PHF11: variants seen among roughly 807,000 people sequenced by gnomAD.
PHF11 encodes BRCA1 C-terminus-associated protein.
Under a neutral mutation model 40.5 loss-of-function variants are expected in PHF11, and 38 were observed. That is an observed-to-expected ratio of 0.94 (90% CI 0.72 to 1.23). The LOEUF (loss-of-function observed/expected upper bound fraction) is 1.23, where lower values mean the gene tolerates loss of function less well. Ranked by LOEUF, PHF11 falls within the 50% of genes most tolerant of loss-of-function variation. The pLI, the probability that PHF11 is intolerant of heterozygous loss-of-function variation, is 0.00. For synonymous variants in PHF11, 127 were observed against 138.2 expected, an observed-to-expected ratio of 0.92 and a Z score of 0.57; for missense variants, 369 against 392.4, an observed-to-expected ratio of 0.94 and a Z score of 0.50.
At chr13:49,509,202 T>C (rs1959049812) in intron 2 of PHF11, among the ~76,000 whole-genome samples, 2 of 150,258 alleles carry the variant, frequency 1.3e-5, no homozygotes, top group Non-Finnish European at 2.9e-5. Context: ...CTATCCTGAA[T>C]ACTTTAGTAT....
intron 3 of PHF11, among the ~76,000 whole-genome samples, chr13:49,514,961 T>G (rs1959132883): frequency 6.6e-6 from 1 of 152,072 alleles, no homozygotes; most frequent in Non-Finnish European, 1.5e-5. Context: ...TCTTCACTAA[T>G]TGGATTTGAG....
chr13:49,522,762 T>G lies in PHF11; in HGVS notation c.571-413T>G, dbSNP rs1566196745. 1.9e-4 allele frequency among the ~76,000 whole-genome samples: 8 copies of G among 41,250 alleles called. No homozygotes were observed. In the East Asian group the frequency reaches 2.9e-3, roughly 15 times the overall value. The allele number at this position is 41,250 out of a possible 152,430, so 27.1% of individuals were successfully genotyped here. A position where few individuals can be genotyped will look rare whatever the true frequency, so the allele number is the denominator to read the frequency against. On this transcript the variant is annotated intron_variant, in intron 6 of 9. Transcript: ENST00000378319. The stretch of plus-strand genomic sequence containing the variant: ...TACATCTAAATATGAATATGGGGTT[T>G]TTTTGTTTTTTTTTTTTTTTGAGAC...
At chr13:49,498,848 G>T (rs942760443) in intron 1 of PHF11, among the ~76,000 whole-genome samples, 1 of 152,148 alleles carries the variant, frequency 6.6e-6, no homozygotes, top group Non-Finnish European at 1.5e-5. Context: ...ATATAAACAT[G>T]TGAGTGCACA....
chr13:49,508,100 TATAA>T lies in PHF11; in HGVS notation c.216+1349_216+1352del. Among the ~76,000 whole-genome samples, 2 of 148,172 alleles carry T rather than the reference TATAA, an allele frequency of 1.3e-5. 1 individual carries two copies. Among genetic ancestry groups the T allele is most frequent in the African/African-American group, 4.9e-5 (2 of 40,872 alleles). On this transcript the variant is annotated intron_variant, in intron 2 of 9. Coordinates refer to ENST00000378319, the MANE Select transcript of PHF11 (RefSeq NM_001040443.3). ...ATTATAATATATTATAAATAATTAA[TATAA>T]ATAATTAGAGAGACAAAACCTGTTA...
intron 1 of PHF11, among the ~76,000 whole-genome samples, chr13:49,505,132 A>T (rs1204510559): frequency 6.7e-6 from 1 of 148,206 alleles, no homozygotes; most frequent in East Asian, 1.9e-4. Context: ...ATAAAAAAAT[A>T]AATAAATAAA....
chr13:49,504,340 TACTGAGGTGGGAG>T (rs949407648), intron 1 of PHF11, among the ~76,000 whole-genome samples: 14 of 151,914 alleles, frequency 9.2e-5, no homozygotes, highest in African/African-American at 1.9e-4. Flanking sequence ...TGGTCCCAGC[TACTGAGGTGGGAG>T]ACTGAGGTGG....
intron 2 of PHF11, among the ~76,000 whole-genome samples, chr13:49,509,782 G>C (rs546060677): frequency 1.3e-5 from 2 of 152,008 alleles, no homozygotes; most frequent in Admixed American, 1.3e-4. Flanking sequence ...ACCTTCTTCC[G>C]TGATTGTGAG....
At chr13:49,499,207 T>C (rs779622223) in intron 1 of PHF11, among the ~76,000 whole-genome samples, 2 of 152,256 alleles carry the variant, frequency 1.3e-5, no homozygotes, top group Admixed American at 6.5e-5. Flanking sequence ...ACATCTTCTT[T>C]AAGAAACCAG....
chr13:49,503,801 C>T (rs566120724), intron 1 of PHF11, among the ~76,000 whole-genome samples: 3 of 152,074 alleles, frequency 2.0e-5, no homozygotes, highest in African/African-American at 4.8e-5. Flanking sequence ...GGCACAATTT[C>T]AGCTCACTGC....
intron 1 of PHF11, among the ~76,000 whole-genome samples, chr13:49,501,090 C>T (rs111270200): frequency 0.019 from 2,798 of 149,960 alleles, 41 homozygotes; most frequent in South Asian, 0.059. Context: ...CTCGGCTCAC[C>T]GCAACCTCCA....
chr13:49,518,407 T>C (rs1305569740), intron 4 of PHF11: 1 of 198,684 alleles, frequency 5.0e-6, no homozygotes, highest in East Asian at 1.0e-4. Flanking sequence ...TTAAATATGA[T>C]TTTTGTGAGC....
At chr13:49,527,245 TTA>T (rs1249311404) in intron 9 of PHF11, 1 of 152,174 alleles carries the variant, frequency 6.6e-6, no homozygotes, top group Non-Finnish European at 1.5e-5. Context: ...CTCCACTTGT[TTA>T]TGAGTCTGGT....
intron 6 of PHF11, among the ~76,000 whole-genome samples, chr13:49,522,965 C>T (rs1959196916): frequency 2.6e-5 from 4 of 151,926 alleles, no homozygotes; most frequent in Admixed American, 2.6e-4. Flanking sequence ...AGGTTTCACC[C>T]TGTTGTCCAG....
At chr13:49,496,830 C>T (rs1036554804) in intron 1 of PHF11, among the ~76,000 whole-genome samples, 12 of 88,048 alleles carry the variant, frequency 1.4e-4, no homozygotes, top group South Asian at 4.4e-4. Flanking sequence ...TGGGCTTACC[C>T]TTTTTTTTTT....
chr13:49,517,117 C>T (rs1410318217), intron 3 of PHF11, among the ~76,000 whole-genome samples: 1 of 152,174 alleles, frequency 6.6e-6, no homozygotes, highest in Non-Finnish European at 1.5e-5. Context: ...TTACCCTCCT[C>T]CCAAATTAAA....
At chr13:49,507,647 C>T (rs1959021671) in intron 2 of PHF11, among the ~76,000 whole-genome samples, 1 of 152,214 alleles carries the variant, frequency 6.6e-6, no homozygotes, top group South Asian at 2.1e-4. Context: ...TCTAGCTCAC[C>T]TTAAACATGT....
chr13:49,498,696 G>A (rs1236598700), intron 1 of PHF11, among the ~76,000 whole-genome samples: 1 of 152,194 alleles, frequency 6.6e-6, no homozygotes, highest in East Asian at 1.9e-4. Flanking sequence ...AAAGAATGCA[G>A]TGGGATCATG....
intron 4 of PHF11, among the ~76,000 whole-genome samples, chr13:49,520,412 T>C (rs1322481217): frequency 6.6e-6 from 1 of 152,258 alleles, no homozygotes; most frequent in Non-Finnish European, 1.5e-5. Flanking sequence ...TAATCAGTTC[T>C]AGGCCCTTTG....
intron 3 of PHF11, among the ~76,000 whole-genome samples, chr13:49,515,081 G>A (rs1959134452): frequency 6.6e-6 from 1 of 152,146 alleles, no homozygotes. Context: ...TAATATTTGG[G>A]GGAAAGCAGG....
Sources: allele counts gnomAD v4.1 joint callset (sites outside exome capture counted in the v4.1 genomes callset), GRCh38; gene constraint gnomAD v4.1.1; transcripts MANE v1.5; gene names NCBI Gene and HGNC (gene_info 2026-07-23, HGNC 2026-07-21).